TSHZ3: variants seen among roughly 807,000 people sequenced by gnomAD.
TSHZ3 encodes the protein teashirt zinc finger homeobox 3, also known as teashirt homolog 3.
In TSHZ3, 10 loss-of-function variants were observed where a neutral mutation model predicts 64.5. The observed-to-expected ratio is 0.16, with a 90% CI of 0.10 to 0.26. The LOEUF is 0.26. Among genes scored for constraint, TSHZ3 ranks in the 10% least tolerant of loss-of-function variants. The pLI, the probability that TSHZ3 is intolerant of heterozygous loss-of-function variation, is 1.00. For synonymous variants in TSHZ3, 608 were observed against 593.1 expected, an observed-to-expected ratio of 1.03 and a Z score of -0.36; for missense variants, 1,242 against 1,421.7, an observed-to-expected ratio of 0.87 and a Z score of 2.03.
intron 1 of TSHZ3, among the ~76,000 whole-genome samples, chr19:31,261,159 C>T (rs993094066): frequency 6.6e-6 from 1 of 152,192 alleles, no homozygotes; most frequent in African/African-American, 2.4e-5. Context: ...TCTCCCACCC[C>T]TGGCGCCCTG....
intron 1 of TSHZ3, among the ~76,000 whole-genome samples, chr19:31,248,472 TG>T (rs1325774486): frequency 2.0e-5 from 3 of 152,092 alleles, no homozygotes; most frequent in Non-Finnish European, 4.4e-5. Flanking sequence ...GTCAACAACC[TG>T]GCCAATACTG....
rs10551485 is a variant in TSHZ3, at chr19:31,223,365, CGTGTGTGTGTGTGTGT to C, written n.686+4624_686+4639del. On this transcript the variant is annotated intron_variant and non_coding_transcript_variant, in intron 4 of 6. Coordinates refer to the TSHZ3 transcript ENST00000651361. ...TGGACTCTAATTTTAGTTCTTATAACGTGTGTGTGTGTGTGTGTGTGTGTGTGTGTGTGTGTGACAG... is the reference window on the plus strand; with the variant it reads ...TGGACTCTAATTTTAGTTCTTATAACGTGTGTGTGTGTGTGTGTGTGACAG... 3.5e-5 allele frequency among the ~76,000 whole-genome samples: 5 copies of C among 142,406 alleles called. No individual in the cohort carries two copies. In the East Asian group the frequency reaches 6.3e-4, roughly 18 times the overall value. 93.4% of individuals were successfully genotyped at this position (142,406 alleles called of 152,430 possible). A position where few individuals can be genotyped will look rare whatever the true frequency, so the allele number is the denominator to read the frequency against.
At chr19:31,238,829 T>C (rs570560022) in intron 3 of TSHZ3, among the ~76,000 whole-genome samples, 4 of 152,332 alleles carry the variant, frequency 2.6e-5, no homozygotes, top group African/African-American at 9.6e-5. Context: ...TCACTTTTTT[T>C]CCTAGTCAAA....
At chr19:31,338,881 C>T (rs936673759) in intron 1 of TSHZ3, among the ~76,000 whole-genome samples, 4 of 150,836 alleles carry the variant, frequency 2.7e-5, no homozygotes, top group African/African-American at 9.8e-5. Context: ...CTGTATTGCA[C>T]ATGCGAGGGT....
At chr19:31,221,270 T>C (rs775888363) in intron 4 of TSHZ3, among the ~76,000 whole-genome samples, 11 of 152,264 alleles carry the variant, frequency 7.2e-5, no homozygotes, top group Non-Finnish European at 1.3e-4. Context: ...GAAAGCCAAT[T>C]TGGGCCAGGG....
downstream of TSHZ3, among the ~76,000 whole-genome samples, chr19:31,270,523 T>C (rs1976120998): frequency 6.6e-6 from 1 of 152,172 alleles, no homozygotes; most frequent in African/African-American, 2.4e-5. Context: ...GTGGCCCAGG[T>C]TGGTCACTAT....
chr19:31,317,660 G>A (rs1017516017), intron 1 of TSHZ3, among the ~76,000 whole-genome samples: 7 of 152,176 alleles, frequency 4.6e-5, no homozygotes, highest in African/African-American at 1.2e-4. Flanking sequence ...AGAGCAGGGC[G>A]CATCCCCAGA....
At chr19:31,349,873 G>T (rs1389056976), upstream of TSHZ3, among the ~76,000 whole-genome samples, 3 of 147,026 alleles carry the variant, frequency 2.0e-5, no homozygotes, top group Admixed American at 6.7e-5. Flanking sequence ...GGAGATGATC[G>T]TGTCAATCGC....
intron 3 of TSHZ3, among the ~76,000 whole-genome samples, chr19:31,230,108 G>C (rs1975519156): frequency 6.6e-6 from 1 of 152,198 alleles, no homozygotes; most frequent in Admixed American, 6.5e-5. Flanking sequence ...TTCCCTGGAA[G>C]GTTGTTTATA....
rs898760825 is a variant in TSHZ3 at position 31,266,022 on chromosome 19, C to T, written n.64-23147G>A. 3.9e-5 allele frequency among the ~76,000 whole-genome samples: 6 copies of T among 152,160 alleles called. No homozygotes were observed. The East Asian group carries it at 1.2e-3, about 29-fold the overall frequency. On this transcript the variant is annotated intron_variant and non_coding_transcript_variant, in intron 1 of 6. Transcript: ENST00000651361. The stretch of plus-strand genomic sequence containing the variant: ...AGCATCTTGACAAGCACCCCTGGCC[C>T]CTGAGCCTGGAGAGGAACAGGTGTC...
At chr19:31,341,629 TG>T in intron 1 of TSHZ3, among the ~76,000 whole-genome samples, 1 of 89,584 alleles carries the variant, frequency 1.1e-5, no homozygotes, top group South Asian at 3.8e-4. Flanking sequence ...TCTCTCTCTC[TG>T]ACACACACAC....
At chr19:31,211,559 A>T (rs1975259176) in intron 4 of TSHZ3, among the ~76,000 whole-genome samples, 1 of 152,208 alleles carries the variant, frequency 6.6e-6, no homozygotes, top group South Asian at 2.1e-4. Context: ...AGGGCATCCC[A>T]GGCTCCAGCA....
intron 5 of TSHZ3, among the ~76,000 whole-genome samples, chr19:31,168,383 T>C (rs1171761091): frequency 6.6e-6 from 1 of 152,212 alleles, no homozygotes; most frequent in Non-Finnish European, 1.5e-5. Flanking sequence ...TTTCATTAGA[T>C]TCAAGCTACA....
chr19:31,153,781 G>A (rs764186576), intron 6 of TSHZ3, among the ~76,000 whole-genome samples: 28 of 152,196 alleles, frequency 1.8e-4, no homozygotes, highest in Non-Finnish European at 3.4e-4. Context: ...TATGGTTGTT[G>A]ACTGTTAGGT....
intron 3 of TSHZ3, among the ~76,000 whole-genome samples, chr19:31,241,767 C>T (rs1210025412): frequency 6.6e-6 from 1 of 152,230 alleles, no homozygotes; most frequent in Non-Finnish European, 1.5e-5. Context: ...ACTGAATGAC[C>T]AGAAATCTCC....
intron 4 of TSHZ3, among the ~76,000 whole-genome samples, chr19:31,213,863 C>A (rs914035355): frequency 6.6e-6 from 1 of 152,238 alleles, no homozygotes; most frequent in African/African-American, 2.4e-5. Flanking sequence ...TCTTCTGAGC[C>A]TCGAGCTGCC....
Position 31,197,617 on chromosome 19 carries a change from G to A in TSHZ3, n.809+7339C>T, listed in dbSNP as rs181924958. On this transcript the variant is annotated intron_variant and non_coding_transcript_variant, in intron 5 of 6. Coordinates refer to the TSHZ3 transcript ENST00000651361. ...CAAATTACTAATATTAGAAATGAAA[G>A]GGGGCATCACTATCAATCCCATGGA... Among the ~76,000 whole-genome samples the A allele has an allele frequency of 1.5e-3, 228 of 151,920 alleles. 1 individual carries two copies. The highest frequency in any genetic ancestry group is 5.4e-3 in the African/African-American group (223 of 41,512).
chr19:31,327,462 C>G (rs1461076995), intron 1 of TSHZ3, among the ~76,000 whole-genome samples: 3 of 152,208 alleles, frequency 2.0e-5, no homozygotes, highest in Non-Finnish European at 4.4e-5. Flanking sequence ...GATCTGATAT[C>G]TAATGAGAGG....
chr19:31,206,034 T>C (rs1490809945), intron 4 of TSHZ3, among the ~76,000 whole-genome samples: 2 of 151,836 alleles, frequency 1.3e-5, no homozygotes, highest in African/African-American at 2.4e-5. Context: ...GATGGATGAA[T>C]TGATGGGTGA....
Sources: allele counts gnomAD v4.1 joint callset (sites outside exome capture counted in the v4.1 genomes callset), GRCh38; gene constraint gnomAD v4.1.1; transcripts MANE v1.5; gene names NCBI Gene and HGNC (gene_info 2026-07-23, HGNC 2026-07-21).